PARD3B: variants seen among roughly 807,000 people sequenced by gnomAD.
The protein encoded by PARD3B is partitioning defective 3 homolog B.
In PARD3B, 103 loss-of-function variants were observed where a neutral mutation model predicts 130.2. The ratio of observed to expected loss-of-function variants is 0.79; its 90% CI spans 0.67 to 0.93. The LOEUF is 0.93. Ranked by LOEUF, PARD3B falls within the 40% of genes least tolerant of loss-of-function variation. PARD3B has a pLI of 0.00. For missense variants in PARD3B, 1,609 were observed against 1,499.2 expected (o/e 1.07, Z -1.21); for synonymous variants, 583 against 553.2 (o/e 1.05, Z -0.76).
At chr2:205,485,876 A>C (rs1296134497) in intron 20 of PARD3B, among the ~76,000 whole-genome samples, 1 of 152,082 alleles carries the variant, frequency 6.6e-6, no homozygotes, top group Non-Finnish European at 1.5e-5. Flanking sequence ...CCCCAAGCCA[A>C]GTTAACACCC....
At chr2:205,014,814 T>C (rs1695997736) in intron 3 of PARD3B, among the ~76,000 whole-genome samples, 1 of 152,140 alleles carries the variant, frequency 6.6e-6, no homozygotes, top group Non-Finnish European at 1.5e-5. Context: ...CCAGTTTAAT[T>C]AGAGTCAGAG....
chr2:204,996,867 C>CTT (rs1694250597), intron 3 of PARD3B, among the ~76,000 whole-genome samples: 23 of 144,216 alleles, frequency 1.6e-4, no homozygotes, highest in South Asian at 4.7e-4. Flanking sequence ...TCACCCCTTT[C>CTT]TTTGACTCGA....
intron 1 of PARD3B, among the ~76,000 whole-genome samples, chr2:204,581,371 G>A (rs1034502411): frequency 1.3e-5 from 2 of 151,960 alleles, no homozygotes; most frequent in African/African-American, 4.8e-5. Context: ...AGTCATTAAA[G>A]CCTTGCCGTG....
rs529780875 is a variant in PARD3B, at chr2:204,686,168, TG to T, written c.121-12del. ...TAGATTAGGTCATTAAACTTGTGTT[TG>T]TTCTACTATAGGGTCCTGGTTACTG... On this transcript the variant is annotated splice_polypyrimidine_tract_variant and intron_variant, in intron 1 of 22. Transcript: ENST00000406610. The T allele has an allele frequency of 8.0e-5, 124 of 1,559,228 alleles. No individual in the cohort carries two copies. The highest frequency in any genetic ancestry group is 9.7e-5 in the Non-Finnish European group (110 of 1,130,882).
At chr2:205,260,140 CAT>C (rs1162338514) in intron 16 of PARD3B, among the ~76,000 whole-genome samples, 1 of 152,216 alleles carries the variant, frequency 6.6e-6, no homozygotes, top group Non-Finnish European at 1.5e-5. Flanking sequence ...TACTTACACA[CAT>C]GAGTAGTTAA....
intron 2 of PARD3B, among the ~76,000 whole-genome samples, chr2:204,931,263 T>G (rs1265080470): frequency 6.6e-6 from 1 of 152,130 alleles, no homozygotes. Context: ...TTCTTCACCA[T>G]TTTAAGGTTC....
chr2:205,180,232 A>T (rs1208458339), intron 13 of PARD3B, among the ~76,000 whole-genome samples: 1 of 151,156 alleles, frequency 6.6e-6, no homozygotes. Context: ...CAAAACACAG[A>T]CTTATTACAT....
intron 2 of PARD3B, among the ~76,000 whole-genome samples, chr2:204,901,886 ATGT>A (rs1286238870): frequency 6.6e-6 from 1 of 152,038 alleles, no homozygotes. Context: ...GTGCCTGGAA[ATGT>A]TGTTTAGAAG....
intron 2 of PARD3B, among the ~76,000 whole-genome samples, chr2:204,800,967 GA>G (rs1223344617): frequency 1.3e-5 from 2 of 152,230 alleles, no homozygotes; most frequent in Admixed American, 6.5e-5. Context: ...ATTAAATAGG[GA>G]ATCCTTTCCC....
At chr2:205,488,638 G>A (rs1202103408) in intron 20 of PARD3B, among the ~76,000 whole-genome samples, 1 of 152,098 alleles carries the variant, frequency 6.6e-6, no homozygotes, top group Non-Finnish European at 1.5e-5. Context: ...CATATACAAG[G>A]CCATGTTGTA....
At chr2:204,800,472 T>G (rs907195367) in intron 2 of PARD3B, among the ~76,000 whole-genome samples, 2 of 152,100 alleles carry the variant, frequency 1.3e-5, no homozygotes, top group African/African-American at 4.8e-5. Flanking sequence ...TTTATTCAAA[T>G]GGATAATAAC....
At chr2:204,973,192 T>G (rs894416510) in intron 3 of PARD3B, among the ~76,000 whole-genome samples, 3 of 152,206 alleles carry the variant, frequency 2.0e-5, no homozygotes, top group African/African-American at 7.2e-5. Flanking sequence ...CTCTGTTCTC[T>G]AAATACAAGT....
intron 10 of PARD3B, among the ~76,000 whole-genome samples, chr2:205,156,460 T>C (rs1466124143): frequency 6.6e-6 from 1 of 151,870 alleles, no homozygotes; most frequent in African/African-American, 2.4e-5. Flanking sequence ...TAAAATTGTA[T>C]ACTTTTGTTG....
chr2:205,327,401 A>G (rs1437068558), intron 18 of PARD3B, among the ~76,000 whole-genome samples: 1 of 152,154 alleles, frequency 6.6e-6, no homozygotes, highest in Non-Finnish European at 1.5e-5. Flanking sequence ...CCCTTATATT[A>G]TTAGTGTTTA....
chr2:205,318,518 T>C (rs556158654), intron 18 of PARD3B, among the ~76,000 whole-genome samples: 251 of 152,314 alleles, frequency 1.6e-3, no homozygotes, highest in South Asian at 2.9e-3. Context: ...AGAATATTTG[T>C]CCTGTGTATC....
chr2:204,659,258 G>A (rs972880257), intron 1 of PARD3B, among the ~76,000 whole-genome samples: 3 of 152,096 alleles, frequency 2.0e-5, no homozygotes, highest in African/African-American at 7.2e-5. Context: ...TTTCCCTAAC[G>A]TTCATCTTTG....
intron 15 of PARD3B, among the ~76,000 whole-genome samples, chr2:205,234,242 C>T (rs1312660679): frequency 1.3e-5 from 2 of 152,222 alleles, no homozygotes; most frequent in East Asian, 3.9e-4. Context: ...ATCACTTGAG[C>T]CCAGGAGTTC....
chr2:204,783,634 G>A (rs1391235820), intron 2 of PARD3B, among the ~76,000 whole-genome samples: 1 of 152,118 alleles, frequency 6.6e-6, no homozygotes, highest in Admixed American at 6.6e-5. Context: ...CATTACTTTT[G>A]CATCAGCCTA....
At chr2:205,414,108 T>C (rs963296192) in intron 19 of PARD3B, among the ~76,000 whole-genome samples, 8 of 152,118 alleles carry the variant, frequency 5.3e-5, no homozygotes, top group Admixed American at 3.9e-4. Context: ...TGGAAGATCA[T>C]GAAAAATGGC....
Sources: allele counts gnomAD v4.1 joint callset (sites outside exome capture counted in the v4.1 genomes callset), GRCh38; gene constraint gnomAD v4.1.1; transcripts MANE v1.5; gene names NCBI Gene and HGNC (gene_info 2026-07-23, HGNC 2026-07-21).